CSMD1: variants seen among roughly 807,000 people sequenced by gnomAD.
The protein encoded by CSMD1 is CUB and sushi domain-containing protein 1.
Under a neutral mutation model 417.5 loss-of-function variants are expected in CSMD1, and 213 were observed. That is an observed-to-expected ratio of 0.51 (90% CI 0.46 to 0.57). The LOEUF (loss-of-function observed/expected upper bound fraction) is 0.57. CSMD1 is among the 20% of genes least tolerant of loss of function. CSMD1 has a pLI of 0.00. For missense variants in CSMD1, 6,923 were observed against 4,529.7 expected (o/e 1.53, Z -15.17); for synonymous variants, 2,862 against 1,736.8 (o/e 1.65, Z -16.11).
chr8:3,192,229 C>T (rs920389199), intron 33 of CSMD1, among the ~76,000 whole-genome samples: 1 of 152,108 alleles, frequency 6.6e-6, no homozygotes, highest in Non-Finnish European at 1.5e-5. Context: ...CATTCTTCTC[C>T]AAGCTAAAAA....
chr8:3,185,777 G>C (rs1373034179), intron 36 of CSMD1, among the ~76,000 whole-genome samples: 1 of 152,166 alleles, frequency 6.6e-6, no homozygotes, highest in Non-Finnish European at 1.5e-5. Context: ...CTGTGAGGTA[G>C]GTGCTAGGAA....
At chr8:4,300,662 C>G (rs1366688827) in intron 3 of CSMD1, among the ~76,000 whole-genome samples, 2 of 152,246 alleles carry the variant, frequency 1.3e-5, no homozygotes, top group African/African-American at 2.4e-5. Context: ...TTAGGTATAT[C>G]TCCTAATGCT....
intron 37 of CSMD1, among the ~76,000 whole-genome samples, chr8:3,174,965 A>G (rs565204389): frequency 2.6e-5 from 4 of 152,292 alleles, no homozygotes; most frequent in African/African-American, 2.4e-5. Flanking sequence ...TTTTCACTAT[A>G]TAGCTAACTA....
chr8:3,890,967 G>C (rs1261151825), intron 5 of CSMD1, among the ~76,000 whole-genome samples: 3 of 152,080 alleles, frequency 2.0e-5, no homozygotes, highest in Non-Finnish European at 4.4e-5. Context: ...TCAATAACCT[G>C]TGAAATGGAT....
intron 54 of CSMD1, among the ~76,000 whole-genome samples, chr8:2,991,439 C>G (rs965044839): frequency 3.9e-5 from 6 of 152,116 alleles, no homozygotes; most frequent in African/African-American, 1.4e-4. Flanking sequence ...TTATATTCAT[C>G]AAAATGAAAC....
chr8:3,128,992 T>C, intron 41 of CSMD1: 1 of 378,770 alleles, frequency 2.6e-6, no homozygotes, highest in Non-Finnish European at 5.2e-6. Context: ...TGGAGTTAAG[T>C]GTGAAGCAAA....
intron 1 of CSMD1, among the ~76,000 whole-genome samples, chr8:4,908,957 C>T (rs1805485661): frequency 6.6e-6 from 1 of 152,170 alleles, no homozygotes; most frequent in Non-Finnish European, 1.5e-5. Flanking sequence ...ACGTGTTTTC[C>T]TTGCCTTTAG....
intron 3 of CSMD1, among the ~76,000 whole-genome samples, chr8:4,260,081 A>T (rs1269533064): frequency 1.3e-5 from 2 of 151,944 alleles, no homozygotes; most frequent in African/African-American, 4.8e-5. Context: ...GATCACAAAC[A>T]TCCATTTTAC....
At position 3,670,563 on chromosome 8, in the gene CSMD1, G is replaced by GAT. The variant is rs1168507490; in HGVS notation, c.1009+37849_1009+37850dup. Among the ~76,000 whole-genome samples the GAT allele has an allele frequency of 1.9e-3, 259 of 137,238 alleles. 3 individuals are homozygous for GAT. Among genetic ancestry groups the GAT allele is most frequent in the Middle Eastern group, 9.1e-3 (2 of 220 alleles). 90.0% of individuals were successfully genotyped at this position (137,238 alleles called of 152,430 possible). ...ATACATATATCCCATATATATATGCGATATATATATATGGGATATATATGG... is the reference window on the plus strand; with the variant it reads ...ATACATATATCCCATATATATATGCGATATATATATATATGGGATATATATGG... On this transcript the variant is annotated intron_variant, in intron 7 of 69. Coordinates refer to ENST00000635120, the MANE Select transcript of CSMD1 (RefSeq NM_033225.6).
At chr8:4,358,862 G>A (rs950249393) in intron 3 of CSMD1, among the ~76,000 whole-genome samples, 5 of 152,022 alleles carry the variant, frequency 3.3e-5, no homozygotes, top group African/African-American at 9.6e-5. Context: ...TTTTAAACAC[G>A]GTTTTACCAA....
chr8:3,786,650 T>A (rs1799471863), intron 5 of CSMD1, among the ~76,000 whole-genome samples: 1 of 152,174 alleles, frequency 6.6e-6, no homozygotes, highest in Non-Finnish European at 1.5e-5. Context: ...TCACTCGAGA[T>A]GCTATGATAA....
intron 26 of CSMD1, among the ~76,000 whole-genome samples, chr8:3,245,408 C>T (rs951145155): frequency 6.6e-6 from 1 of 152,228 alleles, no homozygotes; most frequent in Non-Finnish European, 1.5e-5. Flanking sequence ...TTCCCCCTCT[C>T]TTTCTTAGAG....
intron 10 of CSMD1, among the ~76,000 whole-genome samples, chr8:3,534,016 G>A (rs1330321971): frequency 2.6e-5 from 4 of 152,104 alleles, no homozygotes; most frequent in African/African-American, 9.7e-5. Context: ...TTTTGCGGAA[G>A]AAGAATATTC....
chr8:3,067,900 T>C (rs989720520), intron 49 of CSMD1, among the ~76,000 whole-genome samples: 2 of 152,110 alleles, frequency 1.3e-5, no homozygotes, highest in African/African-American at 4.8e-5. Context: ...TGTCCAGAAA[T>C]ATTAGATGAT....
chr8:4,955,418 T>C (rs568170248), intron 1 of CSMD1, among the ~76,000 whole-genome samples: 3 of 152,004 alleles, frequency 2.0e-5, no homozygotes, highest in Non-Finnish European at 2.9e-5. Flanking sequence ...CTGTGTCTGT[T>C]TGGTGGATGC....
intron 3 of CSMD1, among the ~76,000 whole-genome samples, chr8:4,256,911 G>C (rs569729879): frequency 6.6e-6 from 1 of 152,186 alleles, no homozygotes; most frequent in African/African-American, 2.4e-5. Context: ...TGAGTTTGCA[G>C]AATTTATTTT....
At chr8:4,553,588 T>G (rs1429384972) in intron 2 of CSMD1, among the ~76,000 whole-genome samples, 1 of 152,170 alleles carries the variant, frequency 6.6e-6, no homozygotes, top group Admixed American at 6.5e-5. Context: ...TAAATTAGAT[T>G]ATTTTTGATC....
chr8:3,805,041 G>C (rs765813744), intron 5 of CSMD1, among the ~76,000 whole-genome samples: 4 of 152,054 alleles, frequency 2.6e-5, no homozygotes, highest in Admixed American at 1.3e-4. Flanking sequence ...ATTCACACTG[G>C]AATATAACAC....
At chr8:4,771,858 G>C (rs1796615703) in intron 1 of CSMD1, among the ~76,000 whole-genome samples, 1 of 152,130 alleles carries the variant, frequency 6.6e-6, no homozygotes, top group African/African-American at 2.4e-5. Flanking sequence ...TAATCCACGA[G>C]GGAGTCTGTG....
Sources: gnomAD v4.1 joint callset for allele counts (sites outside exome capture counted in the v4.1 genomes callset) on GRCh38, gnomAD v4.1.1 for gene constraint, MANE v1.5 for transcripts, NCBI Gene and HGNC (gene_info 2026-07-23, HGNC 2026-07-21) for gene names.